AFF3: variants seen among roughly 807,000 people sequenced by gnomAD.
AFF3 encodes AF4/FMR2 family member 3.
AFF3 carries 32 observed loss-of-function variants against 129.7 expected under a neutral mutation model. The observed-to-expected ratio is 0.25, with a 90% confidence interval of 0.19 to 0.33. AFF3 has a LOEUF of 0.33. AFF3 is among the 10% of genes least tolerant of loss of function. The pLI, the probability that AFF3 is intolerant of heterozygous loss-of-function variation, is 1.00. For synonymous variants in AFF3, 644 were observed against 635.4 expected, an observed-to-expected ratio of 1.01 and a Z score of -0.20; for missense variants, 1,373 against 1,592.0, an observed-to-expected ratio of 0.86 and a Z score of 2.34.
At chr2:99,882,931 T>C (rs1388322536) in intron 7 of AFF3, among the ~76,000 whole-genome samples, 1 of 152,206 alleles carries the variant, frequency 6.6e-6, no homozygotes, top group Non-Finnish European at 1.5e-5. Context: ...TAGGGCCCGG[T>C]GCAGTTTAAG....
At position 100,006,856 on chromosome 2, in the gene AFF3, G is replaced by T. The variant is rs776344720; in HGVS notation, c.649C>A (p.Pro217Thr). The T allele has an allele frequency of 6.2e-7, 1 of 1,614,086 alleles. No homozygotes were observed. Among genetic ancestry groups the T allele is most frequent in the Non-Finnish European group, 8.5e-7 (1 of 1,180,048 alleles). ...SSSGHCVQNF[P>T]PSLASKPSLV... ...CTGGGTTTTGAAGCTAGGGATGGAGGAAAGTTCTGAACACAGTGTCCGCTG... is the reference window on the plus strand; with the variant it reads ...CTGGGTTTTGAAGCTAGGGATGGAGTAAAGTTCTGAACACAGTGTCCGCTG... Residue 217 changes from proline to threonine, a missense_variant, in exon 7 of 25, where the codon CCT becomes ACT. Pro to Thr is a conservative substitution (Grantham distance 38). Around this residue, in one of 9 missense-constraint regions of AFF3, gnomAD observed 255 missense variants for 256.0 expected, o/e 1.00. Coordinates refer to ENST00000672756, the MANE Select transcript of AFF3 (RefSeq NM_001386135.1).
intron 18 of AFF3, among the ~76,000 whole-genome samples, chr2:99,569,286 T>C (rs1407801914): frequency 1.3e-5 from 2 of 152,236 alleles, no homozygotes; most frequent in Non-Finnish European, 2.9e-5. Context: ...ATTGTAAATA[T>C]ACCTCATAAT....
chr2:99,749,474 A>G (rs970761155), intron 9 of AFF3, among the ~76,000 whole-genome samples: 1 of 152,222 alleles, frequency 6.6e-6, no homozygotes, highest in Non-Finnish European at 1.5e-5. Flanking sequence ...CAAAAGTTGT[A>G]CTTATACCAT....
intron 13 of AFF3, among the ~76,000 whole-genome samples, chr2:99,636,459 C>T (rs529042652): frequency 4.6e-5 from 7 of 152,280 alleles, no homozygotes; most frequent in East Asian, 1.9e-4. Context: ...TTAATGGAAC[C>T]GACCTGAAAT....
intron 2 of AFF3, among the ~76,000 whole-genome samples, chr2:100,124,784 A>G (rs559447987): frequency 1.1e-3 from 167 of 152,212 alleles, no homozygotes; most frequent in Non-Finnish European, 2.2e-3. Flanking sequence ...TCTGAAAATC[A>G]GGTGGATGAA....
At position 99,975,056 on chromosome 2, in the gene AFF3, TG is replaced by T. The variant is rs574320155; in HGVS notation, c.873+31575del. On this transcript the variant is annotated intron_variant, in intron 7 of 24. Coordinates refer to ENST00000672756, the MANE Select transcript of AFF3 (RefSeq NM_001386135.1). ...TCCACTTGAAATAACCAGGATTATG[TG>T]GGCCATCCTAGAAGCCTGCTGAACT... Among the ~76,000 whole-genome samples, 9 of 152,334 alleles carry T rather than the reference TG, an allele frequency of 5.9e-5. No homozygotes were observed. The East Asian group carries it at 1.7e-3, about 29-fold the overall frequency.
chr2:99,947,653 T>TAGACAGACAGACAGACAGACAGACAGAC (rs869305084), intron 7 of AFF3, among the ~76,000 whole-genome samples: 1 of 123,192 alleles, frequency 8.1e-6, no homozygotes, highest in African/African-American at 2.9e-5. Context: ...GATAGATAGA[T>TAGACAGACAGACAGACAGACAGACAGAC]AGACAGACAG....
At chr2:99,680,714 C>T (rs2104548154) in intron 11 of AFF3, among the ~76,000 whole-genome samples, 1 of 152,306 alleles carries the variant, frequency 6.6e-6, no homozygotes, top group East Asian at 1.9e-4. Context: ...TCATAACATA[C>T]ATCAGGTTAA....
intron 4 of AFF3, among the ~76,000 whole-genome samples, chr2:100,015,124 G>A (rs1682903730): frequency 6.6e-6 from 1 of 151,988 alleles, no homozygotes; most frequent in Non-Finnish European, 1.5e-5. Flanking sequence ...CTTTAACAAG[G>A]TGGAATTCCT....
intron 17 of AFF3, among the ~76,000 whole-genome samples, chr2:99,579,418 AAAT>A (rs1213687474): frequency 1.2e-4 from 17 of 146,700 alleles, no homozygotes; most frequent in East Asian, 2.0e-4. Flanking sequence ...AAAAAAAAAA[AAAT>A]AAATAAATAA....
intron 7 of AFF3, among the ~76,000 whole-genome samples, chr2:99,969,478 CATTTATTT>C (rs6146857): frequency 1.3e-5 from 2 of 150,410 alleles, no homozygotes; most frequent in Admixed American, 6.6e-5. Flanking sequence ...ATTTTATTTT[CATTTATTT>C]ATTTATTTAT....
chr2:100,127,711 A>T (rs1692256747), intron 2 of AFF3, among the ~76,000 whole-genome samples: 1 of 152,222 alleles, frequency 6.6e-6, no homozygotes, highest in Admixed American at 6.5e-5. Context: ...TGCCTGCAGG[A>T]GTTGGCATTC....
intron 13 of AFF3, among the ~76,000 whole-genome samples, chr2:99,609,509 C>T (rs754462687): frequency 2.6e-5 from 4 of 152,192 alleles, no homozygotes; most frequent in Non-Finnish European, 4.4e-5. Flanking sequence ...AGTCACTTCA[C>T]TTAGAATAAT....
intron 11 of AFF3, among the ~76,000 whole-genome samples, chr2:99,709,007 G>C (rs1357152271): frequency 2.0e-5 from 3 of 152,164 alleles, no homozygotes; most frequent in African/African-American, 7.2e-5. Flanking sequence ...AGGTGAAGAA[G>C]GAAGAGAAAC....
intron 4 of AFF3, among the ~76,000 whole-genome samples, chr2:100,045,221 G>A (rs1255759915): frequency 2.0e-5 from 3 of 152,102 alleles, no homozygotes; most frequent in Non-Finnish European, 2.9e-5. Context: ...TAGAGAAGAC[G>A]GTGAGGTCAC....
At chr2:99,774,173 T>C (rs893254958) in intron 8 of AFF3, among the ~76,000 whole-genome samples, 8 of 152,226 alleles carry the variant, frequency 5.3e-5, no homozygotes, top group African/African-American at 1.9e-4. Flanking sequence ...AAGCAATTTA[T>C]AGATTCAATG....
chr2:100,085,125 G>A (rs1169836409), intron 4 of AFF3, among the ~76,000 whole-genome samples: 8 of 147,332 alleles, frequency 5.4e-5, no homozygotes, highest in Non-Finnish European at 9.0e-5. Flanking sequence ...ACGCTTTGTC[G>A]AATATAATCA....
chr2:100,046,866 T>C (rs1228985684), intron 4 of AFF3, among the ~76,000 whole-genome samples: 2 of 151,984 alleles, frequency 1.3e-5, no homozygotes, highest in African/African-American at 4.8e-5. Context: ...GGAATCCGCC[T>C]TGACAAAGAA....
chr2:100,133,617 C>A (rs1692518687), intron 1 of AFF3, among the ~76,000 whole-genome samples: 1 of 152,150 alleles, frequency 6.6e-6, no homozygotes, highest in Non-Finnish European at 1.5e-5. Context: ...TCATGTACTA[C>A]TTTTTATCCA....
Sources: allele counts gnomAD v4.1 joint callset (sites outside exome capture counted in the v4.1 genomes callset), GRCh38; gene constraint gnomAD v4.1.1; regional missense constraint gnomAD v4.1.1; transcripts MANE v1.5; gene names NCBI Gene and HGNC (gene_info 2026-07-23, HGNC 2026-07-21).